KANSL1L: variants seen among roughly 807,000 people sequenced by gnomAD.
The protein encoded by KANSL1L is KAT8 regulatory NSL complex subunit 1 like.
A neutral mutation model predicts 108.6 loss-of-function variants in KANSL1L; 25 were observed. That is an observed-to-expected ratio of 0.23 (90% confidence interval 0.17 to 0.32). KANSL1L has a LOEUF of 0.32. KANSL1L is among the 10% of genes least tolerant of loss of function. The pLI is 1.00. For synonymous variants in KANSL1L, 405 were observed against 395.1 expected, an observed-to-expected ratio of 1.03 and a Z score of -0.30; for missense variants, 1,137 against 1,125.7, an observed-to-expected ratio of 1.01 and a Z score of -0.14.
chr2:210,028,789 ATTTAAG>A (rs1347548707), intron 11 of KANSL1L, 50 bp downstream of exon 11: 16 of 1,291,978 alleles, frequency 1.2e-5, no homozygotes, highest in East Asian at 2.5e-5. Flanking sequence ...CACTTTGAAA[ATTTAAG>A]TTTATTAGGG....
At chr2:210,039,219 T>C (rs1285317787) in intron 8 of KANSL1L, among the ~76,000 whole-genome samples, 1 of 151,976 alleles carries the variant, frequency 6.6e-6, no homozygotes, top group Non-Finnish European at 1.5e-5. Context: ...ATTCTACTTG[T>C]AAATTAATTT....
intron 1 of KANSL1L, among the ~76,000 whole-genome samples, chr2:210,169,546 T>C (rs1575659813): frequency 6.6e-6 from 1 of 152,200 alleles, no homozygotes; most frequent in East Asian, 1.9e-4. Context: ...TTTAACAAAA[T>C]AATCGATTGT....
In KANSL1L at chr2:210,099,867, G is replaced by T. The variant is rs555308496; in HGVS notation, c.1429-1660C>A. Among the ~76,000 whole-genome samples the T allele has an allele frequency of 4.6e-5, 7 of 152,202 alleles. No individual in the cohort carries two copies. The East Asian group carries it at 1.4e-3, about 29-fold the overall frequency. On this transcript the variant is annotated intron_variant, in intron 4 of 14. Coordinates refer to ENST00000281772, the MANE Select transcript of KANSL1L (RefSeq NM_152519.4). The stretch of plus-strand genomic sequence containing the variant: ...AATAGAAAAGTCACAGAGAAAATGT[G>T]AATAAGAAAAGTAAAATTAAGAGAA...
intron 2 of KANSL1L, among the ~76,000 whole-genome samples, chr2:210,134,142 TTTTA>T (rs1024344129): frequency 6.6e-6 from 1 of 152,162 alleles, no homozygotes; most frequent in Non-Finnish European, 1.5e-5. Flanking sequence ...TAGCAGTGAT[TTTTA>T]TTTATTAACC....
intron 3 of KANSL1L, among the ~76,000 whole-genome samples, chr2:210,109,420 A>G (rs1020333062): frequency 6.6e-6 from 1 of 152,060 alleles, no homozygotes; most frequent in Non-Finnish European, 1.5e-5. Context: ...TCAACCTTCA[A>G]TATTAGATTA....
At chr2:210,075,503 T>C (rs2094535993) in intron 6 of KANSL1L, 49 bp downstream of exon 6, 5 of 1,222,872 alleles carry the variant, frequency 4.1e-6, no homozygotes, top group Non-Finnish European at 6.0e-6. Context: ...GCATGAAATA[T>C]GCTGATGGTG....
chr2:210,166,036 T>C lies in KANSL1L; in HGVS notation c.-30+5113A>G, dbSNP rs148177977. 4.7e-3 allele frequency among the ~76,000 whole-genome samples: 710 copies of C among 152,252 alleles called. 1 individual carries two copies. The highest frequency in any genetic ancestry group is 7.9e-3 in the Non-Finnish European group (540 of 68,004). On this transcript the variant is annotated intron_variant, in intron 1 of 14. Coordinates refer to ENST00000281772, the MANE Select transcript of KANSL1L (RefSeq NM_152519.4). ...TATGGTTAGAAAAAAATAAAGTATATATAGGGTTAAGTACTGTCTGCGATT... is the reference window on the plus strand; with the variant it reads ...TATGGTTAGAAAAAAATAAAGTATACATAGGGTTAAGTACTGTCTGCGATT...
chr2:210,028,638 C>T (rs1367325930), intron 11 of KANSL1L: 2 of 427,624 alleles, frequency 4.7e-6, no homozygotes, highest in Non-Finnish European at 4.1e-6. Flanking sequence ...CTAGGAATTC[C>T]TAAATCTTAA....
Position 210,104,038 on chromosome 2 carries a change from T to C in KANSL1L, c.1428+66A>G, listed in dbSNP as rs886676446. ...GAAGATACACATATAATGATGTTTA[T>C]TTGAATAGTTTACAAAATCAATGAA... On this transcript the variant is annotated intron_variant, in intron 4 of 14. Transcript: ENST00000281772. 5.7e-5 allele frequency: 71 copies of C among 1,242,782 alleles called. 1 individual carries two copies. The Admixed American group carries it at 1.1e-3, about 19-fold the overall frequency. The allele number at this position is 1,242,782 out of a possible 1,614,324, so 77.0% of individuals were successfully genotyped here. A position where few individuals can be genotyped will look rare whatever the true frequency, so the allele number is the denominator to read the frequency against.
chr2:210,055,970 C>G (rs1460681191), intron 6 of KANSL1L, among the ~76,000 whole-genome samples: 3 of 152,244 alleles, frequency 2.0e-5, no homozygotes, highest in Non-Finnish European at 2.9e-5. Context: ...CACCTCATGT[C>G]AGCAACATTC....
chr2:210,107,294 C>G (rs892769288), intron 3 of KANSL1L, among the ~76,000 whole-genome samples: 3 of 151,828 alleles, frequency 2.0e-5, no homozygotes, highest in African/African-American at 7.3e-5. Context: ...GCCCCTACTG[C>G]AGGATAACAA....
At chr2:210,072,467 A>G (rs1382464876) in intron 6 of KANSL1L, among the ~76,000 whole-genome samples, 3 of 152,190 alleles carry the variant, frequency 2.0e-5, no homozygotes, top group Admixed American at 6.5e-5. Context: ...GCAGTCCCCA[A>G]CTTTTTTGGC....
At chr2:210,149,802 A>G (rs970747553) in intron 2 of KANSL1L, among the ~76,000 whole-genome samples, 1 of 151,986 alleles carries the variant, frequency 6.6e-6, no homozygotes, top group African/African-American at 2.4e-5. Flanking sequence ...GAAATCTATT[A>G]GTGTTAGCAA....
At chr2:210,143,295 C>T (rs1328976346) in intron 2 of KANSL1L, among the ~76,000 whole-genome samples, 1 of 151,758 alleles carries the variant, frequency 6.6e-6, no homozygotes, top group Non-Finnish European at 1.5e-5. Context: ...GCATGGAATA[C>T]CATATTTTAT....
chr2:210,166,210 T>C (rs906110878), intron 1 of KANSL1L, among the ~76,000 whole-genome samples: 2 of 152,116 alleles, frequency 1.3e-5, no homozygotes, highest in South Asian at 2.1e-4. Flanking sequence ...TACATATTTA[T>C]GAATTTAGCA....
intron 7 of KANSL1L, among the ~76,000 whole-genome samples, chr2:210,042,154 G>C (rs1213176228): frequency 6.6e-6 from 1 of 152,158 alleles, no homozygotes; most frequent in Non-Finnish European, 1.5e-5. Context: ...TTCGGTCTAT[G>C]TGCCTTTCTT....
intron 7 of KANSL1L, chr2:210,043,434 T>G (rs1361346349): frequency 6.4e-6 from 1 of 157,156 alleles, no homozygotes; most frequent in Non-Finnish European, 1.4e-5. Flanking sequence ...TGTAAGGATG[T>G]ATAAGCCTCA....
chr2:210,067,510 C>T (rs1049848183), intron 6 of KANSL1L, among the ~76,000 whole-genome samples: 1 of 151,756 alleles, frequency 6.6e-6, no homozygotes, highest in Non-Finnish European at 1.5e-5. Context: ...CCAGCCTGGG[C>T]AATATGACGA....
chr2:210,078,474 A>G (rs2094557828), intron 5 of KANSL1L, among the ~76,000 whole-genome samples: 2 of 152,250 alleles, frequency 1.3e-5, no homozygotes, highest in African/African-American at 2.4e-5. Flanking sequence ...CTTGCAAAGT[A>G]TCATCAACAT....
Sources: allele counts gnomAD v4.1 joint callset (sites outside exome capture counted in the v4.1 genomes callset), GRCh38; gene constraint gnomAD v4.1.1; transcripts MANE v1.5; gene names NCBI Gene and HGNC (gene_info 2026-07-23, HGNC 2026-07-21).